PPP2R2D: variants seen among roughly 807,000 people sequenced by gnomAD.
The protein encoded by PPP2R2D is protein phosphatase 2 regulatory subunit Bdelta, also known as serine/threonine-protein phosphatase 2A 55 kDa regulatory subunit B delta isoform.
In PPP2R2D, 9 loss-of-function variants were observed where a neutral mutation model predicts 31.1. That is an observed-to-expected ratio of 0.29 (90% CI 0.17 to 0.51). The LOEUF is 0.51. Ranked by LOEUF, PPP2R2D falls within the 20% of genes least tolerant of loss-of-function variation. The probability of loss-of-function intolerance (pLI) is 0.98; values close to 1 mark genes in which losing one functional copy is unlikely to be tolerated. For synonymous variants in PPP2R2D, 179 were observed against 172.6 expected (o/e 1.04, Z -0.29); for missense variants, 391 against 465.6 (o/e 0.84, Z 1.48).
chr10:131,931,697 G>A (rs557070139), intron 2 of PPP2R2D, among the ~76,000 whole-genome samples: 1 of 152,350 alleles, frequency 6.6e-6, no homozygotes, highest in East Asian at 1.9e-4. Context: ...GGTCGTGGCT[G>A]TTGGTTTCTA....
At chr10:131,912,701 A>G (rs1214435306) in intron 2 of PPP2R2D, 3 of 152,228 alleles carry the variant, frequency 2.0e-5, no homozygotes, top group Non-Finnish European at 4.4e-5. Context: ...TGCTATACCC[A>G]TTATTTGCAT....
rs1554899832 is a variant in PPP2R2D at position 131,955,817 on chromosome 10, G to A, written c.1216G>A (p.Gly406Arg). 1.2e-6 allele frequency: 2 copies of A among 1,609,976 alleles called. No individual in the cohort carries two copies. The highest frequency in any genetic ancestry group is 2.2e-5 in the South Asian group (2 of 90,370). ...CCTCAAACCCCGGAAGGTGTGTACG[G>A]GGGGTAAGCGGAGGAAAGACGAGAT... ...ASLKPRKVCT[G>R]GKRRKDEISV... Residue 406 changes from glycine (G) to arginine (R), a missense_variant, in exon 9 of 9, where the codon GGG becomes AGG. Transcript: ENST00000455566.
In PPP2R2D at chr10:131,945,052, A is replaced by G. The variant is rs1430398200; in HGVS notation, c.656-243A>G. ...TAACATTAATAATAGCAGCAAGATG[A>G]AAGCGGTGTTCGCTTGTCTGTGTCT... is the stretch of plus-strand genomic sequence containing the variant. On this transcript the variant is annotated intron_variant, in intron 6 of 8. Transcript: ENST00000455566. The surrounding 1 kb of genome is among the most constrained non-coding windows in gnomAD (Gnocchi z 4.8). Among the ~76,000 whole-genome samples, 1 of 152,164 alleles carries G rather than the reference A, an allele frequency of 6.6e-6. No homozygotes were observed. The highest frequency in any genetic ancestry group is 1.5e-5 in the Non-Finnish European group (1 of 68,022).
chr10:131,904,065 G>A (rs977207608), intron 2 of PPP2R2D, among the ~76,000 whole-genome samples: 12 of 152,130 alleles, frequency 7.9e-5, no homozygotes, highest in Admixed American at 4.6e-4. Flanking sequence ...TTAGCCAGGC[G>A]TGGCAGGGCC....
chr10:131,928,643 C>T (rs538028405), intron 2 of PPP2R2D, among the ~76,000 whole-genome samples: 43 of 152,316 alleles, frequency 2.8e-4, no homozygotes, highest in East Asian at 5.8e-4. Flanking sequence ...TTGAAGGCTG[C>T]GGCAACCCTC....
intron 2 of PPP2R2D, among the ~76,000 whole-genome samples, chr10:131,925,918 C>T (rs976400829): frequency 4.6e-5 from 7 of 152,180 alleles, no homozygotes; most frequent in Non-Finnish European, 5.9e-5. Flanking sequence ...CTAGTGGCTC[C>T]GCCCCGTTTT....
Position 131,901,029 on chromosome 10 carries a change from G to GCGGCGGCGGCGGCGGCGGCGGCGC in PPP2R2D, c.-103_-102insGCGGCGCCGGCGGCGGCGGCGGCG. ...GGAAAAAAATCCCTCCCCGGCGGCG[G>GCGGCGGCGGCGGCGGCGGCGGCGC]CGGCGGCGGCGGCGGCGCCGGCGGT... On this transcript the variant is annotated 5_prime_UTR_variant, in exon 1 of 9. Transcript: ENST00000455566. The GCGGCGGCGGCGGCGGCGGCGGCGC allele has an allele frequency of 6.5e-6, 1 of 153,926 alleles. No individual in the cohort carries two copies. The highest frequency in any genetic ancestry group is 1.9e-4 in the East Asian group (1 of 5,308). The allele number at this position is 153,926 out of a possible 1,614,324, so 9.5% of individuals were successfully genotyped here. A position where few individuals can be genotyped will look rare whatever the true frequency, so the allele number is the denominator to read the frequency against.
chr10:131,926,495 A>G (rs540951078), intron 2 of PPP2R2D, among the ~76,000 whole-genome samples: 1 of 152,162 alleles, frequency 6.6e-6, no homozygotes, highest in Non-Finnish European at 1.5e-5. Flanking sequence ...TGGACAACAT[A>G]GTGAGACCCT....
intron 2 of PPP2R2D, chr10:131,911,457 G>A (rs1344005346): frequency 6.6e-6 from 1 of 152,272 alleles, no homozygotes; most frequent in Non-Finnish European, 1.5e-5. Flanking sequence ...TTATCACAGG[G>A]TTGGAATTGA....
rs372980454 is a variant in PPP2R2D, at chr10:131,930,330, C to T, written c.101-4128C>T. Among the ~76,000 whole-genome samples the T allele has an allele frequency of 3.6e-3, 543 of 152,354 alleles. 2 individuals carry two copies. Among genetic ancestry groups the T allele is most frequent in the Middle Eastern group, 0.017 (5 of 294 alleles). The stretch of plus-strand genomic sequence containing the variant: ...CCAGTCTCCCTGGCCTGAACGGCCA[C>T]TCTGAGGCCTGCTGGCCGCCTGGCT... On this transcript the variant is annotated intron_variant, in intron 2 of 8. Coordinates refer to ENST00000455566, the MANE Select transcript of PPP2R2D (RefSeq NM_018461.5).
the PPP2R2D span, chr10:131,967,235 CTT>C: frequency 7.3e-6 from 1 of 137,062 alleles, no homozygotes; most frequent in Non-Finnish European, 1.6e-5. Flanking sequence ...ACGTGGTTGG[CTT>C]TGTTGTGTGC....
chr10:131,941,334 T>C (rs1240921234), intron 5 of PPP2R2D, among the ~76,000 whole-genome samples: 4 of 152,250 alleles, frequency 2.6e-5, no homozygotes, highest in Non-Finnish European at 5.9e-5. Context: ...TGTCTTATAA[T>C]TGGCCTGGTG....
At chr10:131,943,379 C>T (rs1278124784) in intron 5 of PPP2R2D, among the ~76,000 whole-genome samples, 5 of 152,124 alleles carry the variant, frequency 3.3e-5, no homozygotes, top group African/African-American at 1.2e-4. Context: ...AGACATCTGC[C>T]CTATAAGTGA....
chr10:131,917,397 TC>T (rs2035826849), intron 2 of PPP2R2D, among the ~76,000 whole-genome samples: 2 of 77,624 alleles, frequency 2.6e-5, no homozygotes, highest in Admixed American at 1.5e-4. Context: ...GGGACCTCAG[TC>T]GGGTGGAATG....
intron 3 of PPP2R2D, among the ~76,000 whole-genome samples, chr10:131,937,930 G>C (rs1457190173): frequency 3.3e-5 from 5 of 151,930 alleles, no homozygotes; most frequent in African/African-American, 1.2e-4. Flanking sequence ...GCAGCAAGGC[G>C]CTCAGCTCCT....
intron 2 of PPP2R2D, among the ~76,000 whole-genome samples, chr10:131,905,074 C>T (rs1425879267): frequency 6.6e-6 from 1 of 151,422 alleles, no homozygotes; most frequent in East Asian, 2.0e-4. Flanking sequence ...GACTTCCCAT[C>T]CCCCTGCAGG....
chr10:131,903,106 T>G (rs2035528066), intron 2 of PPP2R2D, among the ~76,000 whole-genome samples: 1 of 152,190 alleles, frequency 6.6e-6, no homozygotes, highest in Non-Finnish European at 1.5e-5. Context: ...AATTAAAATT[T>G]AAGTATAACT....
the PPP2R2D span, chr10:131,970,924 A>T: frequency 6.2e-7 from 1 of 1,614,236 alleles, no homozygotes; most frequent in Non-Finnish European, 8.5e-7. This position sits in a 1 kb window ranked among gnomAD's most constrained non-coding sequence, Gnocchi z 4.1. Context: ...GTTTTTCTTC[A>T]AGATGCTTTC....
At chr10:131,965,913 A>G in the PPP2R2D span, among the ~76,000 whole-genome samples, 1 of 152,202 alleles carries the variant, frequency 6.6e-6, no homozygotes, top group African/African-American at 2.4e-5. Context: ...GTGGCAAAGC[A>G]CCGGCCCTGC....
Sources: allele counts gnomAD v4.1 joint callset (sites outside exome capture counted in the v4.1 genomes callset), GRCh38; gene constraint gnomAD v4.1.1; non-coding constraint Gnocchi (gnomAD v3.1); transcripts MANE v1.5; gene names NCBI Gene and HGNC (gene_info 2026-07-23, HGNC 2026-07-21).